Variants in TAS2R1 observed in about 807,000 individuals in gnomAD.
TAS2R1 encodes the protein taste receptor type 2 member 1.
For synonymous variants in TAS2R1, 141 were observed against 134.2 expected, an observed-to-expected ratio of 1.05 and a Z score of -0.35; for missense variants, 370 against 353.4, an observed-to-expected ratio of 1.05 and a Z score of -0.38.
chr5:9,780,581 A>G, the TAS2R1 span, among the ~76,000 whole-genome samples: 1 of 152,160 alleles, frequency 6.6e-6, no homozygotes. Context: ...TTCTTCCGTA[A>G]TGATTATACT....
the TAS2R1 span, among the ~76,000 whole-genome samples, chr5:9,896,034 A>G: frequency 0.29 from 43,472 of 152,182 alleles, 7,194 homozygotes; most frequent in Non-Finnish European, 0.36. Flanking sequence ...TTAGTGTGAA[A>G]TTAAAGCTAT....
intron 1 of TAS2R1, among the ~76,000 whole-genome samples, chr5:9,711,479 C>T (rs1734658865): frequency 1.3e-5 from 2 of 152,068 alleles, no homozygotes; most frequent in African/African-American, 4.8e-5. Flanking sequence ...CACAGAAGCA[C>T]AGAGTAGAAT....
At position 9,648,688 on chromosome 5, in the gene TAS2R1, G is replaced by A. The variant is rs143734402; in HGVS notation, c.-81+10733C>T. Among the ~76,000 whole-genome samples the A allele has an allele frequency of 8.0e-3, 1,215 of 151,804 alleles. 17 individuals are homozygous for A. Among genetic ancestry groups the A allele is most frequent in the African/African-American group, 0.027 (1,101 of 41,400 alleles). Reference sequence around the variant, plus strand: ...TTACAGGATCTCCATCATTTTTTTCGGGGGTGGGGGGTAGCTAGGGACGTA... The same window carrying A: ...TTACAGGATCTCCATCATTTTTTTCAGGGGTGGGGGGTAGCTAGGGACGTA... On this transcript the variant is annotated intron_variant, in intron 2 of 2. Coordinates refer to the TAS2R1 transcript ENST00000506620.
the TAS2R1 span, among the ~76,000 whole-genome samples, chr5:9,839,071 G>C: frequency 6.6e-6 from 1 of 152,216 alleles, no homozygotes; most frequent in Non-Finnish European, 1.5e-5. Context: ...GCATCGAGCA[G>C]GTCTCTGTTA....
chr5:9,778,228 CT>C, the TAS2R1 span, among the ~76,000 whole-genome samples: 1 of 152,166 alleles, frequency 6.6e-6, no homozygotes, highest in African/African-American at 2.4e-5. Flanking sequence ...AAAAAAGTTT[CT>C]TTTTTTCCTA....
At chr5:9,840,857 A>ATTTTTTTTT in the TAS2R1 span, among the ~76,000 whole-genome samples, 11 of 132,084 alleles carry the variant, frequency 8.3e-5, no homozygotes, top group African/African-American at 3.1e-4. Context: ...TTATTTATTT[A>ATTTTTTTTT]TTTTTTTTTT....
chr5:9,832,138 T>C, the TAS2R1 span, among the ~76,000 whole-genome samples: 1 of 152,224 alleles, frequency 6.6e-6, no homozygotes, highest in Non-Finnish European at 1.5e-5. Context: ...CTGGGTCTTA[T>C]AGTTCAGTAA....
chr5:9,689,185 GCTAC>G (rs1393752520), intron 1 of TAS2R1, among the ~76,000 whole-genome samples: 1 of 151,970 alleles, frequency 6.6e-6, no homozygotes, highest in African/African-American at 2.4e-5. Flanking sequence ...TATCTTCCTA[GCTAC>G]CTACCTATCA....
At chr5:9,791,563 A>G in the TAS2R1 span, among the ~76,000 whole-genome samples, 1 of 152,238 alleles carries the variant, frequency 6.6e-6, no homozygotes, top group African/African-American at 2.4e-5. Context: ...GCCAGGCATC[A>G]TGGCGCATAC....
chr5:9,658,571 A>G (rs1199580975), intron 2 of TAS2R1: 1 of 152,198 alleles, frequency 6.6e-6, no homozygotes, highest in African/African-American at 2.4e-5. Context: ...CAAGGATTGC[A>G]GCACACTGTA....
intron 1 of TAS2R1, among the ~76,000 whole-genome samples, chr5:9,677,449 T>TA (rs35909122): frequency 0.73 from 109,047 of 148,898 alleles, 41,046 homozygotes; most frequent in Non-Finnish European, 0.85. Context: ...AAGACAGAAT[T>TA]AAAAAAAAAA....
the TAS2R1 span, among the ~76,000 whole-genome samples, chr5:9,864,690 T>C: frequency 1.1e-4 from 16 of 149,676 alleles, no homozygotes; most frequent in African/African-American, 3.7e-4. Context: ...CATATGATGA[T>C]AGAGTGCTCT....
At chr5:9,696,044 C>T (rs1470402152) in intron 1 of TAS2R1, among the ~76,000 whole-genome samples, 1 of 152,050 alleles carries the variant, frequency 6.6e-6, no homozygotes, top group East Asian at 1.9e-4. Context: ...TAATGAATAA[C>T]CTGTTTGGAA....
At chr5:9,741,606 C>G in the TAS2R1 span, among the ~76,000 whole-genome samples, 1 of 152,072 alleles carries the variant, frequency 6.6e-6, no homozygotes, top group African/African-American at 2.4e-5. Flanking sequence ...TGTTGGAAAA[C>G]AGAATAGAAG....
chr5:9,796,726 A>G, the TAS2R1 span, among the ~76,000 whole-genome samples: 1 of 86,088 alleles, frequency 1.2e-5, no homozygotes, highest in Non-Finnish European at 3.0e-5. Context: ...TTCTGGAAAA[A>G]AAAAAAAAAA....
the TAS2R1 span, among the ~76,000 whole-genome samples, chr5:9,770,503 T>A: frequency 6.6e-6 from 1 of 152,128 alleles, no homozygotes; most frequent in African/African-American, 2.4e-5. Flanking sequence ...ATTACTTTGG[T>A]TAGTATGGAC....
At chr5:9,882,556 G>A in the TAS2R1 span, among the ~76,000 whole-genome samples, 2 of 152,164 alleles carry the variant, frequency 1.3e-5, no homozygotes, top group Non-Finnish European at 2.9e-5. Context: ...AACTCCAGAG[G>A]TGGAGGTTGC....
intron 1 of TAS2R1, among the ~76,000 whole-genome samples, chr5:9,701,352 C>T (rs1741481038): frequency 6.6e-6 from 1 of 151,808 alleles, no homozygotes; most frequent in Admixed American, 6.6e-5. Context: ...CATCTGGCAA[C>T]AAGATGAATG....
At chr5:9,892,703 C>T in the TAS2R1 span, among the ~76,000 whole-genome samples, 8 of 152,140 alleles carry the variant, frequency 5.3e-5, no homozygotes, top group Admixed American at 3.3e-4. Context: ...GAACTGTCTG[C>T]GGAAAAGCGC....
Sources: gnomAD v4.1 joint callset for allele counts (sites outside exome capture counted in the v4.1 genomes callset) on GRCh38, gnomAD v4.1.1 for gene constraint, MANE v1.5 for transcripts, NCBI Gene and HGNC (gene_info 2026-07-23, HGNC 2026-07-21) for gene names.